Variants in ST6GAL1 observed in about 807,000 individuals in gnomAD.
ST6GAL1 encodes the protein ST6 beta-galactoside alpha-2,6-sialyltransferase 1.
A neutral mutation model predicts 38.0 loss-of-function variants in ST6GAL1; 20 were observed. The ratio of observed to expected loss-of-function variants is 0.53; its 90% CI spans 0.37 to 0.77. The LOEUF is 0.77. Ranked by LOEUF, ST6GAL1 falls within the 30% of genes least tolerant of loss-of-function variation. The probability of loss-of-function intolerance (pLI) is 0.00; values close to 1 mark genes in which losing one functional copy is unlikely to be tolerated. For synonymous variants in ST6GAL1, 196 were observed against 188.2 expected (o/e 1.04, Z -0.34); for missense variants, 432 against 496.4 (o/e 0.87, Z 1.23).
chr3:186,995,981 G>C lies in ST6GAL1; in HGVS notation c.-183+32055G>C, dbSNP rs1007293666. Among the ~76,000 whole-genome samples the C allele has an allele frequency of 3.3e-4, 50 of 152,312 alleles. 1 individual carries two copies. Among genetic ancestry groups the C allele is most frequent in the African/African-American group, 1.2e-3 (49 of 41,566 alleles). On this transcript the variant is annotated intron_variant, in intron 2 of 7. Transcript: ENST00000169298. The stretch of plus-strand genomic sequence containing the variant: ...TATAGGTAGACACAGGCCCACAGGT[G>C]CAGTGGCCATATTATCGGTGCGTGT...
At chr3:186,983,184 A>G (rs1380302756) in intron 2 of ST6GAL1, among the ~76,000 whole-genome samples, 1 of 152,150 alleles carries the variant, frequency 6.6e-6, no homozygotes, top group Non-Finnish European at 1.5e-5. Flanking sequence ...TTCACCAAAT[A>G]TTTACTGGAT....
chr3:186,960,337 G>C (rs1018257348), intron 1 of ST6GAL1, among the ~76,000 whole-genome samples: 3 of 152,178 alleles, frequency 2.0e-5, no homozygotes, highest in Non-Finnish European at 4.4e-5. Flanking sequence ...GGGGGACAGT[G>C]CAGTAAGGGC....
In ST6GAL1 at chr3:187,075,637, T is replaced by A. The variant is rs776137095; in HGVS notation, c.1055T>A (p.Val352Glu). 1.2e-6 allele frequency: 2 copies of A among 1,614,072 alleles called. No individual in the cohort carries two copies. Reference protein sequence around the residue: ...EFLPSKRKTDVCYYYQKFFDS... With the variant: ...EFLPSKRKTDECYYYQKFFDS... ...CTCCCATCCAAGCGCAAGACTGACG[T>A]GTGCTACTACTACCAGAAGTTCTTC... Residue 352 changes from valine to glutamate, a missense_variant, in exon 8 of 8, where the codon GTG becomes GAG. Physicochemically the swap from Val to Glu is moderately radical, Grantham distance 121. Transcript: ENST00000169298. The surrounding 1 kb of genome is among the most constrained non-coding windows in gnomAD (Gnocchi z 4.1).
At chr3:186,934,268 G>A (rs1280331971) in intron 1 of ST6GAL1, among the ~76,000 whole-genome samples, 1 of 152,024 alleles carries the variant, frequency 6.6e-6, no homozygotes, top group Non-Finnish European at 1.5e-5. Flanking sequence ...CAGGTGTGGT[G>A]GCTCACTCCA....
Position 187,075,956 on chromosome 3 carries a change from G to T in ST6GAL1, c.*153G>T. 2.4e-6 allele frequency: 3 copies of T among 1,230,878 alleles called. No individual in the cohort carries two copies. The highest frequency in any genetic ancestry group is 3.3e-6 in the Non-Finnish European group (3 of 909,352). 76.2% of individuals were successfully genotyped at this position (1,230,878 alleles called of 1,614,324 possible). On this transcript the variant is annotated 3_prime_UTR_variant, in exon 8 of 8. Coordinates refer to ENST00000169298, the MANE Select transcript of ST6GAL1 (RefSeq NM_173216.2). This position sits in a 1 kb window ranked among gnomAD's most constrained non-coding sequence, Gnocchi z 4.1. ...GACCATGGGGACTTCAAGAGCCTGT[G>T]GTCAGGAAATCAGGTCCAGCCTTCC... is the stretch of plus-strand genomic sequence containing the variant.
At chr3:187,041,926 T>G (rs1488007551) in intron 3 of ST6GAL1, 1 of 152,218 alleles carries the variant, frequency 6.6e-6, no homozygotes, top group Non-Finnish European at 1.5e-5. Flanking sequence ...GTTGGCTACA[T>G]GTCTGCTATC....
chr3:186,965,596 C>T (rs1715080906), intron 2 of ST6GAL1, among the ~76,000 whole-genome samples: 1 of 152,202 alleles, frequency 6.6e-6, no homozygotes, highest in Admixed American at 6.5e-5. Context: ...TTTTAAGAAC[C>T]TCAGGCCACT....
intron 5 of ST6GAL1, among the ~76,000 whole-genome samples, chr3:187,058,266 C>A (rs11929248): frequency 6.6e-6 from 1 of 152,070 alleles, no homozygotes; most frequent in Non-Finnish European, 1.5e-5. Context: ...GAGGTGATGC[C>A]CCACCCTGCT....
intron 6 of ST6GAL1, chr3:187,073,943 C>A (rs184105543): frequency 2.5e-6 from 1 of 397,244 alleles, no homozygotes; most frequent in Non-Finnish European, 4.4e-6. Flanking sequence ...AACTCTCCCC[C>A]AAAGCACAGG....
intron 5 of ST6GAL1, among the ~76,000 whole-genome samples, chr3:187,059,392 C>A (rs775857191): frequency 7.2e-5 from 11 of 152,204 alleles, no homozygotes; most frequent in Non-Finnish European, 1.3e-4. Flanking sequence ...TAGTCAGGAA[C>A]CCTGGAGCTG....
chr3:186,946,484 T>G (rs1714375426), intron 1 of ST6GAL1, among the ~76,000 whole-genome samples: 1 of 151,342 alleles, frequency 6.6e-6, no homozygotes, highest in Non-Finnish European at 1.5e-5. Context: ...CGGGTTCAAG[T>G]GATCCTCCCG....
chr3:187,013,961 G>A (rs7619989), intron 2 of ST6GAL1, among the ~76,000 whole-genome samples: 20 of 152,004 alleles, frequency 1.3e-4, no homozygotes, highest in African/African-American at 4.4e-4. Context: ...ATGACACTCC[G>A]GAAAATTTCA....
At chr3:187,003,169 A>AAAACC (rs148580052) in intron 2 of ST6GAL1, among the ~76,000 whole-genome samples, 36,587 of 151,732 alleles carry the variant, frequency 0.24, 4,466 homozygotes, top group South Asian at 0.34. Flanking sequence ...AAAAAACCCC[A>AAAACC]AAACCAAACC....
At chr3:186,934,756 T>TTATTTATC (rs1288291284) in intron 1 of ST6GAL1, among the ~76,000 whole-genome samples, 1 of 151,218 alleles carries the variant, frequency 6.6e-6, no homozygotes, top group South Asian at 2.1e-4. Flanking sequence ...TTTTATTTAT[T>TTATTTATC]TATGTATTTA....
intron 2 of ST6GAL1, among the ~76,000 whole-genome samples, chr3:186,995,472 C>G (rs911931010): frequency 5.6e-5 from 8 of 143,410 alleles, no homozygotes; most frequent in African/African-American, 2.1e-4. Flanking sequence ...CGCCACTGCA[C>G]TCCAGCCTGG....
At chr3:186,942,167 G>A (rs1459631861) in intron 1 of ST6GAL1, among the ~76,000 whole-genome samples, 2 of 152,158 alleles carry the variant, frequency 1.3e-5, no homozygotes, top group African/African-American at 4.8e-5. Context: ...GAACTAAAGG[G>A]GTGGGACAAG....
chr3:187,065,828 G>C (rs990966549), intron 5 of ST6GAL1, among the ~76,000 whole-genome samples: 1 of 152,298 alleles, frequency 6.6e-6, no homozygotes, highest in Admixed American at 6.5e-5. Context: ...TACCATCTAA[G>C]GGTCTTACAT....
intron 2 of ST6GAL1, among the ~76,000 whole-genome samples, chr3:186,982,687 T>A (rs1715732468): frequency 6.6e-6 from 1 of 151,948 alleles, no homozygotes; most frequent in Non-Finnish European, 1.5e-5. Flanking sequence ...ATTCTCTCTG[T>A]CTTATTTCTT....
intron 4 of ST6GAL1, among the ~76,000 whole-genome samples, chr3:187,046,357 T>TG (rs575048524): frequency 4.1e-4 from 62 of 152,328 alleles, no homozygotes; most frequent in African/African-American, 1.5e-3. Context: ...GTTCTGAGAC[T>TG]GAAGTGTGTG....
Sources: allele counts gnomAD v4.1 joint callset (sites outside exome capture counted in the v4.1 genomes callset), GRCh38; gene constraint gnomAD v4.1.1; non-coding constraint Gnocchi (gnomAD v3.1); transcripts MANE v1.5; gene names NCBI Gene and HGNC (gene_info 2026-07-23, HGNC 2026-07-21).